Variants in PTPN14 observed in about 807,000 individuals in gnomAD.
The protein encoded by PTPN14 is protein tyrosine phosphatase non-receptor type 14, also known as tyrosine-protein phosphatase non-receptor type 14.
In PTPN14, 53 loss-of-function variants were observed where a neutral mutation model predicts 126.8. That is an observed-to-expected ratio of 0.42 (90% CI 0.34 to 0.53). PTPN14 has a LOEUF of 0.53. Among genes scored for constraint, PTPN14 ranks in the 20% least tolerant of loss-of-function variants. PTPN14 has a pLI of 0.08. For missense variants in PTPN14, 1,257 were observed against 1,552.9 expected, an observed-to-expected ratio of 0.81 and a Z score of 3.20; for synonymous variants, 630 against 599.3, an observed-to-expected ratio of 1.05 and a Z score of -0.75.
At chr1:214,542,820 G>A (rs200028078) in intron 1 of PTPN14, among the ~76,000 whole-genome samples, 2 of 152,136 alleles carry the variant, frequency 1.3e-5, no homozygotes, top group East Asian at 1.9e-4. Context: ...GAAATCAGAC[G>A]CCCACGTGGG....
At chr1:214,480,713 A>C (rs1166134761) in intron 1 of PTPN14, among the ~76,000 whole-genome samples, 1 of 152,190 alleles carries the variant, frequency 6.6e-6, no homozygotes, top group Non-Finnish European at 1.5e-5. Context: ...GTTGCCCCCC[A>C]CCAAGTGTTA....
rs57357032 is a variant in PTPN14 at position 214,395,588 on chromosome 1, A to AACACACACACACACAC, written c.759-618_759-603dup. On this transcript the variant is annotated intron_variant, in intron 8 of 18. Transcript: ENST00000366956. Reference sequence around the variant, plus strand: ...ATGTGCCTACACTTTGGGACCCAACAACACACACACACACACACACACACA... The same window carrying AACACACACACACACAC: ...ATGTGCCTACACTTTGGGACCCAACAACACACACACACACACACACACACACACACACACACACACA... Among the ~76,000 whole-genome samples the AACACACACACACACAC allele has an allele frequency of 5.0e-3, 669 of 132,504 alleles. 11 individuals carry two copies. The highest frequency in any genetic ancestry group is 0.034 in the East Asian group (133 of 3,894). The allele number at this position is 132,504 out of a possible 152,430, so 86.9% of individuals were successfully genotyped here. A position where few individuals can be genotyped will look rare whatever the true frequency, so the allele number is the denominator to read the frequency against.
At chr1:214,389,189 A>G (rs1415098478) in intron 11 of PTPN14, among the ~76,000 whole-genome samples, 1 of 152,228 alleles carries the variant, frequency 6.6e-6, no homozygotes, top group African/African-American at 2.4e-5. Flanking sequence ...GGGAATAGAA[A>G]TACACAGCAA....
At chr1:214,452,858 A>G (rs1284017224) in intron 2 of PTPN14, among the ~76,000 whole-genome samples, 1 of 152,190 alleles carries the variant, frequency 6.6e-6, no homozygotes, top group Admixed American at 6.5e-5. Context: ...TATAGCCTAG[A>G]ATGGTTTACA....
chr1:214,420,484 A>G (rs1659519854), intron 3 of PTPN14, among the ~76,000 whole-genome samples: 1 of 152,238 alleles, frequency 6.6e-6, no homozygotes. Context: ...AAATGCATAC[A>G]AAGACACACA....
intron 3 of PTPN14, among the ~76,000 whole-genome samples, chr1:214,442,610 T>A (rs1313920614): frequency 5.9e-5 from 9 of 152,188 alleles, no homozygotes; most frequent in African/African-American, 1.7e-4. Context: ...CTACAATAAA[T>A]AATAAGTTAT....
chr1:214,485,764 C>G (rs938615303), intron 1 of PTPN14, among the ~76,000 whole-genome samples: 1 of 151,634 alleles, frequency 6.6e-6, no homozygotes, highest in Middle Eastern at 3.4e-3. Context: ...CTCGCTCTGT[C>G]GCCCAGGCCA....
chr1:214,489,053 T>C (rs1295333857), intron 1 of PTPN14, among the ~76,000 whole-genome samples: 2 of 152,228 alleles, frequency 1.3e-5, no homozygotes, highest in Admixed American at 1.3e-4. Context: ...AGAAAGGTCC[T>C]TTAAGATCTG....
chr1:214,391,052 G>A lies in PTPN14; in HGVS notation c.930-7C>T, dbSNP rs760115836. On this transcript the variant is annotated splice_region_variant and splice_polypyrimidine_tract_variant and intron_variant, in intron 10 of 18. Transcript: ENST00000366956. Reference sequence around the variant, plus strand: ...GGGTGGAGAATTTGACTGTCTACATGAAGAGGTGAAAAAATGAGAATGGTT... The same window carrying A: ...GGGTGGAGAATTTGACTGTCTACATAAAGAGGTGAAAAAATGAGAATGGTT... The A allele has an allele frequency of 1.3e-5, 21 of 1,568,728 alleles. No individual in the cohort carries two copies. In the South Asian group the frequency reaches 2.4e-4, roughly 18 times the overall value.
chr1:214,399,224 C>T (rs1658960417), intron 7 of PTPN14, among the ~76,000 whole-genome samples: 1 of 152,196 alleles, frequency 6.6e-6, no homozygotes, highest in Non-Finnish European at 1.5e-5. Context: ...AAATCATAGA[C>T]AACATCACAG....
chr1:214,507,018 T>C (rs137976233), intron 1 of PTPN14, among the ~76,000 whole-genome samples: 396 of 152,170 alleles, frequency 2.6e-3, no homozygotes, highest in Non-Finnish European at 3.9e-3. Context: ...TCTACTCGTC[T>C]CTAAAAGATG....
At chr1:214,361,247 T>C (rs1421428439) in intron 18 of PTPN14, among the ~76,000 whole-genome samples, 1 of 152,198 alleles carries the variant, frequency 6.6e-6, no homozygotes, top group Non-Finnish European at 1.5e-5. Flanking sequence ...CTTAGAATAG[T>C]GCGTATACAT....
chr1:214,476,232 G>A (rs137877758), intron 1 of PTPN14, among the ~76,000 whole-genome samples: 6 of 152,266 alleles, frequency 3.9e-5, no homozygotes, highest in African/African-American at 7.2e-5. Context: ...TGAGCATGTC[G>A]CATAGAACCT....
intron 3 of PTPN14, among the ~76,000 whole-genome samples, chr1:214,415,865 T>C (rs1659415586): frequency 6.6e-6 from 1 of 152,198 alleles, no homozygotes; most frequent in Non-Finnish European, 1.5e-5. Flanking sequence ...GGGCAAACAC[T>C]GGGAGTTACT....
intron 3 of PTPN14, among the ~76,000 whole-genome samples, chr1:214,435,598 A>G (rs190047815): frequency 6.6e-6 from 1 of 152,350 alleles, no homozygotes; most frequent in Non-Finnish European, 1.5e-5. Context: ...AAAGGACATG[A>G]ATACTTTTCA....
intron 1 of PTPN14, among the ~76,000 whole-genome samples, chr1:214,468,979 A>G (rs1660698277): frequency 2.6e-5 from 4 of 152,086 alleles, no homozygotes; most frequent in Admixed American, 2.6e-4. Flanking sequence ...CATTTTTTTC[A>G]CCTCTAACAC....
chr1:214,445,753 C>T (rs915207219), intron 3 of PTPN14, among the ~76,000 whole-genome samples: 3 of 152,104 alleles, frequency 2.0e-5, no homozygotes, highest in Non-Finnish European at 2.9e-5. Context: ...AAGCAGTGAT[C>T]TTGGCCAGCA....
Position 214,371,000 on chromosome 1 carries a change from CCT to C in PTPN14, c.3037-1311_3037-1310del, listed in dbSNP as rs1658205755. Among the ~76,000 whole-genome samples the C allele has an allele frequency of 2.0e-5, 3 of 152,330 alleles. No homozygotes were observed. The South Asian group carries it at 6.2e-4, about 32-fold the overall frequency. On this transcript the variant is annotated intron_variant, in intron 16 of 18. Transcript: ENST00000366956. ...TCTCCTTAAATTGGAAGCATACCTT[CCT>C]CTTTTATTTACCAATCCTGTGAAAG... is the stretch of plus-strand genomic sequence containing the variant.
intron 15 of PTPN14, among the ~76,000 whole-genome samples, chr1:214,374,880 T>C (rs1462920220): frequency 3.9e-5 from 6 of 152,192 alleles, no homozygotes; most frequent in Admixed American, 1.3e-4. Flanking sequence ...GATAATATAA[T>C]ATTTCTATGT....
Sources: allele counts gnomAD v4.1 joint callset (sites outside exome capture counted in the v4.1 genomes callset), GRCh38; gene constraint gnomAD v4.1.1; transcripts MANE v1.5; gene names NCBI Gene and HGNC (gene_info 2026-07-23, HGNC 2026-07-21).